KIAA1217: variants seen among roughly 807,000 people sequenced by gnomAD.
KIAA1217 encodes sickle tail protein homolog.
In KIAA1217, 88 loss-of-function variants were observed where a neutral mutation model predicts 163.9. That is an observed-to-expected ratio of 0.54 (90% CI 0.45 to 0.64). KIAA1217 has a LOEUF of 0.64. Among genes scored for constraint, KIAA1217 ranks in the 30% least tolerant of loss-of-function variants. The pLI is 0.00. For synonymous variants in KIAA1217, 903 were observed against 923.1 expected, an observed-to-expected ratio of 0.98 and a Z score of 0.39; for missense variants, 2,372 against 2,475.0, an observed-to-expected ratio of 0.96 and a Z score of 0.88.
chr10:24,382,137 G>A (rs1175310212), intron 3 of KIAA1217, among the ~76,000 whole-genome samples: 3 of 151,944 alleles, frequency 2.0e-5, no homozygotes, highest in African/African-American at 7.3e-5. Context: ...TGTCAAGGGG[G>A]CAGATGTTTC....
At chr10:24,277,858 C>A (rs1238593795) in intron 2 of KIAA1217, among the ~76,000 whole-genome samples, 2 of 152,226 alleles carry the variant, frequency 1.3e-5, no homozygotes, top group Non-Finnish European at 2.9e-5. Context: ...TGAGTCCTCT[C>A]TCTGACTCAC....
chr10:24,424,817 G>A (rs1297262706), intron 3 of KIAA1217, among the ~76,000 whole-genome samples: 1 of 152,156 alleles, frequency 6.6e-6, no homozygotes, highest in African/African-American at 2.4e-5. Context: ...TGCCCAGGAT[G>A]ATCTCGATCT....
intron 3 of KIAA1217, among the ~76,000 whole-genome samples, chr10:24,415,959 G>T: frequency 6.6e-6 from 1 of 152,202 alleles, no homozygotes; most frequent in East Asian, 1.9e-4. Flanking sequence ...CCAGGGAGGG[G>T]AGTGGGCAGA....
intron 2 of KIAA1217, among the ~76,000 whole-genome samples, chr10:24,014,686 AT>A (rs1847394682): frequency 6.6e-6 from 1 of 152,172 alleles, no homozygotes; most frequent in Non-Finnish European, 1.5e-5. Flanking sequence ...ATGGAAAACT[AT>A]TTTTTAGTAT....
At chr10:24,003,058 G>A (rs1846823179) in intron 1 of KIAA1217, among the ~76,000 whole-genome samples, 1 of 152,128 alleles carries the variant, frequency 6.6e-6, no homozygotes, top group Non-Finnish European at 1.5e-5. Flanking sequence ...CTAGGTGATG[G>A]GCACTTCTGG....
intron 2 of KIAA1217, among the ~76,000 whole-genome samples, chr10:24,117,664 G>A (rs1306044424): frequency 6.6e-6 from 1 of 151,982 alleles, no homozygotes; most frequent in Non-Finnish European, 1.5e-5. Context: ...GTGAGTTTTG[G>A]GCTATTCACT....
rs59779872 is a variant in KIAA1217 at position 24,191,552 on chromosome 10, A to AATATATAT, written c.-170-28062_-170-28055dup. On this transcript the variant is annotated intron_variant, in intron 2 of 18. Transcript: ENST00000376462. Reference sequence around the variant, plus strand: ...TATCAACACATCTCATGTACCCACAAATATATATATATATATATACCTATT... The same window carrying AATATATAT: ...TATCAACACATCTCATGTACCCACAAATATATATATATATATATATATATATACCTATT... 1.1e-3 allele frequency among the ~76,000 whole-genome samples: 161 copies of AATATATAT among 148,326 alleles called. 1 individual carries two copies. Among genetic ancestry groups the AATATATAT allele is most frequent in the Non-Finnish European group, 1.8e-3 (120 of 66,838 alleles).
intron 1 of KIAA1217, among the ~76,000 whole-genome samples, chr10:23,726,532 CA>C (rs1333060425): frequency 1.3e-5 from 2 of 151,822 alleles, no homozygotes; most frequent in Non-Finnish European, 2.9e-5. Flanking sequence ...ACAATGGCAA[CA>C]AAAGCCAAAA....
chr10:24,075,553 T>C lies in KIAA1217; in HGVS notation c.-171+68179T>C, dbSNP rs373858637. ...TGTTTATATCGTCCCTTCCATGGCT[T>C]CCCAAGTAACCTGAAAATGCTAGTT... On this transcript the variant is annotated intron_variant, in intron 2 of 18. Coordinates refer to the KIAA1217 transcript ENST00000376462. Among the ~76,000 whole-genome samples, 104 of 152,132 alleles carry C rather than the reference T, an allele frequency of 6.8e-4. 1 individual carries two copies. The highest frequency in any genetic ancestry group is 2.4e-3 in the African/African-American group (101 of 41,500).
intron 2 of KIAA1217, among the ~76,000 whole-genome samples, chr10:24,301,943 G>A (rs1445033200): frequency 6.6e-6 from 1 of 152,150 alleles, no homozygotes; most frequent in Non-Finnish European, 1.5e-5. Context: ...TACTTGGGAG[G>A]CTGAGGCAGG....
chr10:24,109,523 G>C (rs1341561779), intron 2 of KIAA1217, among the ~76,000 whole-genome samples: 3 of 152,020 alleles, frequency 2.0e-5, no homozygotes, highest in East Asian at 3.9e-4. Context: ...AGAAAACCAG[G>C]GGAAAAATGA....
At chr10:23,696,322 T>A (rs773521776) in intron 1 of KIAA1217, among the ~76,000 whole-genome samples, 1 of 152,214 alleles carries the variant, frequency 6.6e-6, no homozygotes. Flanking sequence ...AGGAATTTGA[T>A]ATTAAATTTG....
At chr10:24,074,456 A>C (rs1469803737) in intron 2 of KIAA1217, among the ~76,000 whole-genome samples, 10 of 152,018 alleles carry the variant, frequency 6.6e-5, no homozygotes, top group Admixed American at 6.6e-4. Flanking sequence ...ATTAACCTCT[A>C]TTACCCCCTT....
At chr10:24,044,275 G>A (rs1241473528) in intron 2 of KIAA1217, among the ~76,000 whole-genome samples, 3 of 152,160 alleles carry the variant, frequency 2.0e-5, no homozygotes, top group Admixed American at 6.5e-5. Context: ...TTCACGGAAC[G>A]TGGTTGTCGT....
rs1053548367 is a variant in KIAA1217, at chr10:23,981,610, T to G, written c.-320-25615T>G. Among the ~76,000 whole-genome samples, 5 of 152,214 alleles carry G rather than the reference T, an allele frequency of 3.3e-5. No homozygotes were observed. The East Asian group carries it at 9.6e-4, about 29-fold the overall frequency. On this transcript the variant is annotated intron_variant, in intron 1 of 18. Transcript: ENST00000376462. ...TAAGGATTACAACATTAATTTTTTA[T>G]GGTCAGAACAAAGGAGCTTGTTATT...
At chr10:24,222,711 T>C (rs1475563480) in intron 2 of KIAA1217, among the ~76,000 whole-genome samples, 3 of 152,156 alleles carry the variant, frequency 2.0e-5, no homozygotes, top group African/African-American at 7.2e-5. Context: ...TGTTTTACCA[T>C]GTTGGCCAGG....
chr10:23,984,159 C>T (rs573465961), intron 1 of KIAA1217, among the ~76,000 whole-genome samples: 2 of 152,286 alleles, frequency 1.3e-5, no homozygotes, highest in African/African-American at 4.8e-5. Context: ...ACACTGTTCT[C>T]CATGGCTCTT....
At chr10:24,036,934 T>C (rs186798189) in intron 2 of KIAA1217, among the ~76,000 whole-genome samples, 140 of 152,300 alleles carry the variant, frequency 9.2e-4, no homozygotes, top group African/African-American at 2.5e-3. Context: ...CTTCCAGTCC[T>C]ATCCTTTCTG....
At chr10:23,824,658 A>ATATAT (rs1379535101) in intron 1 of KIAA1217, among the ~76,000 whole-genome samples, 964 of 52,952 alleles carry the variant, frequency 0.018, 17 homozygotes, top group Non-Finnish European at 0.026. Flanking sequence ...AAATAAAAAA[A>ATATAT]ATATATATAT....
Sources: gnomAD v4.1 joint callset for allele counts (sites outside exome capture counted in the v4.1 genomes callset) on GRCh38, gnomAD v4.1.1 for gene constraint, MANE v1.5 for transcripts, NCBI Gene and HGNC (gene_info 2026-07-23, HGNC 2026-07-21) for gene names.